Variants in CNTNAP3B observed in about 807,000 individuals in gnomAD.
CNTNAP3B encodes the protein contactin-associated protein-like 3B.
In CNTNAP3B, 25 loss-of-function variants were observed where a neutral mutation model predicts 108.9. That is an observed-to-expected ratio of 0.23 (90% confidence interval 0.17 to 0.32). The LOEUF is 0.32. Among genes scored for constraint, CNTNAP3B ranks in the 10% least tolerant of loss-of-function variants. The pLI is 1.00. For synonymous variants in CNTNAP3B, 103 were observed against 473.4 expected, an observed-to-expected ratio of 0.22 and a Z score of 10.16; for missense variants, 252 against 1,210.4, an observed-to-expected ratio of 0.21 and a Z score of 11.75.
chr9:41,940,359 C>A, intron 13 of CNTNAP3B, among the ~76,000 whole-genome samples: 2 of 152,394 alleles, frequency 1.3e-5, no homozygotes, highest in African/African-American at 4.8e-5. Context: ...GAGAATAACA[C>A]ATTACCTGCC....
Position 42,082,976 on chromosome 9 carries a change from G to A in CNTNAP3B, c.197-5914C>T, listed in dbSNP as rs1252408024. ...ACTTTAAATAAAAAAGGCTCAAATA[G>A]CCTAAGTGTAAACACATGGAAAAAT... On this transcript the variant is annotated intron_variant, in intron 2 of 23. Transcript: ENST00000377561. Among the ~76,000 whole-genome samples the A allele has an allele frequency of 1.4e-5, 2 of 139,030 alleles. 1 individual carries two copies. The highest frequency in any genetic ancestry group is 5.7e-5 in the African/African-American group (2 of 35,210). 91.2% of individuals were successfully genotyped at this position (139,030 alleles called of 152,430 possible).
At chr9:42,031,003 T>C in intron 3 of CNTNAP3B, among the ~76,000 whole-genome samples, 1 of 104,936 alleles carries the variant, frequency 9.5e-6, no homozygotes, top group African/African-American at 3.8e-5. Context: ...TAGACATCTC[T>C]AGCAAAATGA....
At chr9:42,049,274 C>T (rs1826930834) in intron 3 of CNTNAP3B, among the ~76,000 whole-genome samples, 1 of 138,906 alleles carries the variant, frequency 7.2e-6, no homozygotes, top group Admixed American at 7.1e-5. Context: ...CTAGATATTC[C>T]CAGATCTCTC....
At chr9:42,116,802 A>T (rs1828329341) in intron 1 of CNTNAP3B, among the ~76,000 whole-genome samples, 1 of 138,500 alleles carries the variant, frequency 7.2e-6, no homozygotes, top group African/African-American at 2.9e-5. Context: ...AGACACACAT[A>T]GGCTCAAAAT....
chr9:41,954,444 C>T (rs146402105), intron 12 of CNTNAP3B, among the ~76,000 whole-genome samples: 5,516 of 151,496 alleles, frequency 0.036, 74 homozygotes, highest in East Asian at 0.16. Context: ...GAAAACCAGC[C>T]ATGCTACTGA....
At chr9:41,942,774 G>A (rs1226489833) in intron 13 of CNTNAP3B, among the ~76,000 whole-genome samples, 1 of 152,262 alleles carries the variant, frequency 6.6e-6, no homozygotes, top group South Asian at 2.1e-4. Context: ...CAGAGTCTCT[G>A]GGAAAACTCA....
Position 42,094,435 on chromosome 9 carries a change from G to T in CNTNAP3B, c.196+10194C>A, listed in dbSNP as rs1389929008. On this transcript the variant is annotated intron_variant, in intron 2 of 23. Transcript: ENST00000377561. ...TTTGGGAAGCTGAGGTGGCTGGACT[G>T]CTTGAGCCCAGGAATTCAAGACCAG... is the stretch of plus-strand genomic sequence containing the variant. Among the ~76,000 whole-genome samples the T allele has an allele frequency of 2.3e-5, 3 of 128,104 alleles. 1 individual carries two copies. 84.0% of individuals were successfully genotyped at this position (128,104 alleles called of 152,430 possible).
At chr9:42,117,776 C>A (rs1176085166) in intron 1 of CNTNAP3B, among the ~76,000 whole-genome samples, 1 of 137,276 alleles carries the variant, frequency 7.3e-6, no homozygotes, top group African/African-American at 2.9e-5. Context: ...TGATAGACCA[C>A]TAGCAAGACT....
At chr9:41,937,184 G>C (rs1376830107) in intron 14 of CNTNAP3B, among the ~76,000 whole-genome samples, 1 of 149,096 alleles carries the variant, frequency 6.7e-6, no homozygotes, top group African/African-American at 2.5e-5. Flanking sequence ...CTGGAGTGCA[G>C]TGGCGCGATC....
At position 42,098,071 on chromosome 9, in the gene CNTNAP3B, C is replaced by T. The variant is rs1236020803; in HGVS notation, c.196+6558G>A. Reference sequence around the variant, plus strand: ...TCTAAGATTTTTTTCCACAAATAAACATTCATACATATTATTTTGTATTCA... The same window carrying T: ...TCTAAGATTTTTTTCCACAAATAAATATTCATACATATTATTTTGTATTCA... On this transcript the variant is annotated intron_variant, in intron 2 of 23. Transcript: ENST00000377561. Among the ~76,000 whole-genome samples the T allele has an allele frequency of 8.6e-5, 12 of 139,208 alleles. 2 individuals carry two copies. Among genetic ancestry groups the T allele is most frequent in the African/African-American group, 2.6e-4 (9 of 35,104 alleles). 91.3% of individuals were successfully genotyped at this position (139,208 alleles called of 152,430 possible).
intron 13 of CNTNAP3B, among the ~76,000 whole-genome samples, chr9:41,939,585 G>T (rs571256669): frequency 1.3e-5 from 2 of 152,282 alleles, no homozygotes; most frequent in Non-Finnish European, 2.9e-5. Context: ...TGTGCTAAAA[G>T]CTTGTCACTA....
intron 3 of CNTNAP3B, among the ~76,000 whole-genome samples, chr9:42,041,299 C>T (rs1187289267): frequency 6.9e-6 from 1 of 145,630 alleles, no homozygotes; most frequent in South Asian, 2.2e-4. Flanking sequence ...AGTGAACAGG[C>T]AACCTACAAC....
intron 2 of CNTNAP3B, among the ~76,000 whole-genome samples, chr9:42,086,768 G>A (rs1223977250): frequency 8.8e-6 from 1 of 113,820 alleles, no homozygotes. Flanking sequence ...AAGTCTTAGA[G>A]TGGACATACA....
chr9:41,949,952 T>TG (rs1173489710), intron 13 of CNTNAP3B, among the ~76,000 whole-genome samples: 2 of 151,962 alleles, frequency 1.3e-5, no homozygotes, highest in African/African-American at 4.8e-5. Flanking sequence ...AGCAACAGAG[T>TG]GGGAAAAAAT....
At chr9:41,965,817 G>A (rs1167132766) in intron 10 of CNTNAP3B, among the ~76,000 whole-genome samples, 3 of 151,232 alleles carry the variant, frequency 2.0e-5, no homozygotes, top group African/African-American at 7.3e-5. Flanking sequence ...GAAAGCCCCA[G>A]GGGCCTGTAT....
At chr9:41,955,093 T>A (rs78765653) in intron 12 of CNTNAP3B, among the ~76,000 whole-genome samples, 14,446 of 142,886 alleles carry the variant, frequency 0.1, 344 homozygotes, top group East Asian at 0.23. Context: ...TATGGAACAC[T>A]AAGTTGGGCA....
chr9:41,930,067 T>C, intron 14 of CNTNAP3B, among the ~76,000 whole-genome samples: 2 of 152,420 alleles, frequency 1.3e-5, no homozygotes, highest in East Asian at 1.9e-4. Context: ...TTGCAGAATA[T>C]TAATTTATCA....
intron 2 of CNTNAP3B, among the ~76,000 whole-genome samples, chr9:42,095,043 TTC>T (rs202227918): frequency 0.38 from 48,605 of 128,460 alleles, 10,130 homozygotes; most frequent in East Asian, 0.56. Flanking sequence ...ATAGTTAAAA[TTC>T]TCTCATATAT....
intron 14 of CNTNAP3B, among the ~76,000 whole-genome samples, chr9:41,935,655 G>C (rs1224415342): frequency 1.3e-5 from 2 of 152,220 alleles, no homozygotes; most frequent in Non-Finnish European, 2.9e-5. Context: ...ATCTACAAGA[G>C]TTGGGTTAGG....
Sources: allele counts gnomAD v4.1 joint callset (sites outside exome capture counted in the v4.1 genomes callset), GRCh38; gene constraint gnomAD v4.1.1; transcripts MANE v1.5; gene names NCBI Gene and HGNC (gene_info 2026-07-23, HGNC 2026-07-21).